KCNN1: variants seen among roughly 807,000 people sequenced by gnomAD.
KCNN1 encodes the protein small conductance calcium-activated potassium channel protein 1.
A neutral mutation model predicts 44.7 loss-of-function variants in KCNN1; 20 were observed. That is an observed-to-expected ratio of 0.45 (90% confidence interval 0.32 to 0.65). KCNN1 has a LOEUF of 0.65. Among genes scored for constraint, KCNN1 ranks in the 30% least tolerant of loss-of-function variants. KCNN1 has a pLI of 0.05. For synonymous variants in KCNN1, 324 were observed against 341.7 expected, an observed-to-expected ratio of 0.95 and a Z score of 0.57; for missense variants, 632 against 785.3, an observed-to-expected ratio of 0.80 and a Z score of 2.33.
chr19:17,974,117 G>T lies in KCNN1; in HGVS notation c.229G>T (p.Ala77Ser). ...DDDEDDEEDE[A>S]GRQRASGKPS... is the part of the protein sequence containing the mutation. ...TGACGAGGATGATGAGGAAGATGAG[G>T]CCGGCAGGCAGAGAGCCTCGGGGAA... Residue 77 changes from alanine to serine, a missense_variant, in exon 2 of 10, where the codon GCC becomes TCC. Physicochemically the swap from Ala to Ser is moderately conservative, Grantham distance 99. Transcript: ENST00000684775. The surrounding 1 kb of genome is among the most constrained non-coding windows in gnomAD (Gnocchi z 7.3). 4 of 1,612,686 alleles carry T rather than the reference G, an allele frequency of 2.5e-6. No individual in the cohort carries two copies. Among genetic ancestry groups the T allele is most frequent in the Non-Finnish European group, 3.4e-6 (4 of 1,179,856 alleles).
At position 17,951,590 on chromosome 19, in the gene KCNN1, G is replaced by A. The variant is rs73024603; in HGVS notation, c.-203+181G>A. 6.8e-3 allele frequency among the ~76,000 whole-genome samples: 1,035 copies of A among 152,244 alleles called. 7 individuals are homozygous for A. Among genetic ancestry groups the A allele is most frequent in the Non-Finnish European group, 0.011 (720 of 68,002 alleles). On this transcript the variant is annotated intron_variant, in intron 1 of 10. Coordinates refer to the KCNN1 transcript ENST00000222249. Reference sequence around the variant, plus strand: ...CTTCACAACTCTGCCACCCAAGCCCGGGCCAGTCAGGCTCAAGAGGTTCCT... The same window carrying A: ...CTTCACAACTCTGCCACCCAAGCCCAGGCCAGTCAGGCTCAAGAGGTTCCT...
intron 2 of KCNN1, among the ~76,000 whole-genome samples, chr19:17,956,318 T>A (rs1161654757): frequency 6.6e-6 from 1 of 152,166 alleles, no homozygotes; most frequent in Non-Finnish European, 1.5e-5. Context: ...GTGGTGGTCA[T>A]TTAGTCAATC....
chr19:17,975,916 G>A (rs2032190576), intron 3 of KCNN1, among the ~76,000 whole-genome samples: 1 of 152,102 alleles, frequency 6.6e-6, no homozygotes, highest in African/African-American at 2.4e-5. Context: ...TATTGCCCAG[G>A]CTGGCCTCAA....
At position 17,998,329 on chromosome 19, in the gene KCNN1, G is replaced by T; in HGVS notation, c.1555G>T (p.Gly519Cys). Residue 519 changes from glycine (G) to cysteine (C), a missense_variant, in exon 10 of 10, where the codon GGC becomes TGC. Coordinates refer to ENST00000684775, the MANE Select transcript of KCNN1 (RefSeq NM_001386974.1). The surrounding 1 kb of genome is among the most constrained non-coding windows in gnomAD (Gnocchi z 5.4). ...PPPPPLPPRPGPGPQDQAARS... is the reference protein window; with the variant it reads ...PPPPPLPPRPCPGPQDQAARS... ...CCCGCCTCCCCTGCCTCCCAGGCCC[G>T]GCCCCGGCCCCCAAGACCAGGCAGC... The T allele has an allele frequency of 1.4e-6, 2 of 1,445,262 alleles. No homozygotes were observed. Among genetic ancestry groups the T allele is most frequent in the East Asian group, 2.6e-5 (1 of 38,310 alleles). The allele number at this position is 1,445,262 out of a possible 1,614,324, so 89.5% of individuals were successfully genotyped here.
In KCNN1 at chr19:17,998,910, C is replaced by T. The variant is rs1427231613; in HGVS notation, c.*504C>T. The stretch of plus-strand genomic sequence containing the variant: ...CTCTCTAGGGACACCTGTACCAGCC[C>T]CACCTGGCGCTGAGATCCCTCAGAC... On this transcript the variant is annotated 3_prime_UTR_variant, in exon 10 of 10. Coordinates refer to ENST00000684775, the MANE Select transcript of KCNN1 (RefSeq NM_001386974.1). The surrounding 1 kb of genome is among the most constrained non-coding windows in gnomAD (Gnocchi z 5.4). 7 of 152,820 alleles carry T rather than the reference C, an allele frequency of 4.6e-5. No individual in the cohort carries two copies. Among genetic ancestry groups the T allele is most frequent in the Admixed American group, 4.6e-4 (7 of 15,336 alleles). 9.5% of individuals were successfully genotyped at this position (152,820 alleles called of 1,614,324 possible).
At chr19:17,951,764 C>G (rs1334773025) in intron 1 of KCNN1, among the ~76,000 whole-genome samples, 1 of 152,194 alleles carries the variant, frequency 6.6e-6, no homozygotes, top group Non-Finnish European at 1.5e-5. Flanking sequence ...GCCTCTGGGT[C>G]CCCCGATCCT....
chr19:17,979,325 C>T (rs955940042), intron 3 of KCNN1, among the ~76,000 whole-genome samples: 14 of 139,682 alleles, frequency 1.0e-4, no homozygotes, highest in South Asian at 2.5e-4. Context: ...CCCAGCTACT[C>T]GGGAGGCTGA....
chr19:17,967,484 G>T (rs1295547766), intron 1 of KCNN1, among the ~76,000 whole-genome samples, 167 bp downstream of exon 1: 1 of 152,130 alleles, frequency 6.6e-6, no homozygotes, highest in Admixed American at 6.5e-5. Context: ...TGGGGGGAAT[G>T]AATGCATGTA....
At chr19:17,960,982 T>C (rs1348223580) in intron 2 of KCNN1, among the ~76,000 whole-genome samples, 1 of 151,904 alleles carries the variant, frequency 6.6e-6, no homozygotes, top group Non-Finnish European at 1.5e-5. Flanking sequence ...GGCCAGGAGT[T>C]GGAGACCAAC....
chr19:17,966,979 C>T (rs1425219900), upstream of KCNN1: 7 of 258,320 alleles, frequency 2.7e-5, no homozygotes, highest in South Asian at 1.5e-4. Context: ...TTGCAGGGGG[C>T]GCCGGGGAAT....
chr19:17,990,431 C>T (rs2145967445), intron 7 of KCNN1, among the ~76,000 whole-genome samples: 1 of 150,116 alleles, frequency 6.7e-6, no homozygotes, highest in South Asian at 2.1e-4. Flanking sequence ...CTGCAGTGAG[C>T]CATGATTGCG....
intron 1 of KCNN1, among the ~76,000 whole-genome samples, chr19:17,967,899 G>C (rs1258257522): frequency 6.6e-6 from 1 of 152,060 alleles, no homozygotes; most frequent in Non-Finnish European, 1.5e-5. Context: ...GCCTCCAGGA[G>C]AGCAGGCTAA....
intron 2 of KCNN1, among the ~76,000 whole-genome samples, chr19:17,958,645 C>T (rs1370831005): frequency 2.0e-5 from 3 of 151,782 alleles, no homozygotes; most frequent in Admixed American, 6.6e-5. Flanking sequence ...TGCCTGCCAC[C>T]GTGCCCGGCT....
At chr19:17,965,273 C>CAAAA (rs35151160), upstream of KCNN1, among the ~76,000 whole-genome samples, 148 of 134,474 alleles carry the variant, frequency 1.1e-3, 1 homozygote, top group African/African-American at 3.6e-3. Context: ...GACTCTGTCT[C>CAAAA]AAAAAAAAAA....
Position 17,993,167 on chromosome 19 carries a change from G to A in KCNN1, c.1307+105G>A. On this transcript the variant is annotated intron_variant, in intron 8 of 9. Coordinates refer to ENST00000684775, the MANE Select transcript of KCNN1 (RefSeq NM_001386974.1). This position sits in a 1 kb window ranked among gnomAD's most constrained non-coding sequence, Gnocchi z 4.5. ...CATGCCAACCCCAGCCTCAGAGGCG[G>A]GCAGGGTTCACATCTGCCCCATGGA... 6 of 1,393,586 alleles carry A rather than the reference G, an allele frequency of 4.3e-6. No individual in the cohort carries two copies. Among genetic ancestry groups the A allele is most frequent in the East Asian group, 2.3e-5 (1 of 42,734 alleles). The allele number at this position is 1,393,586 out of a possible 1,614,324, so 86.3% of individuals were successfully genotyped here. A position where few individuals can be genotyped will look rare whatever the true frequency, so the allele number is the denominator to read the frequency against.
chr19:17,956,054 C>T (rs2031537741), intron 2 of KCNN1, among the ~76,000 whole-genome samples: 1 of 152,208 alleles, frequency 6.6e-6, no homozygotes, highest in African/African-American at 2.4e-5. Context: ...TCTCCTGCTT[C>T]AGCCTCCCAA....
upstream of KCNN1, among the ~76,000 whole-genome samples, chr19:17,965,637 G>A (rs542900607): frequency 2.0e-5 from 3 of 152,106 alleles, no homozygotes; most frequent in Non-Finnish European, 4.4e-5. Flanking sequence ...TCTCAGGTGT[G>A]GCTGAAAACC....
At position 17,998,664 on chromosome 19, in the gene KCNN1, G is replaced by A. The variant is rs965205713; in HGVS notation, c.*258G>A. The A allele has an allele frequency of 1.1e-5, 5 of 435,426 alleles. No individual in the cohort carries two copies. Among genetic ancestry groups the A allele is most frequent in the East Asian group, 7.1e-5 (2 of 28,052 alleles). The allele number at this position is 435,426 out of a possible 1,614,324, so 27.0% of individuals were successfully genotyped here. A position where few individuals can be genotyped will look rare whatever the true frequency, so the allele number is the denominator to read the frequency against. ...GCCCCCGGTGGGCATGGAGCAGCCCGGGGAGGGGTCCGTGCTGGTTCTGAA... is the reference window on the plus strand; with the variant it reads ...GCCCCCGGTGGGCATGGAGCAGCCCAGGGAGGGGTCCGTGCTGGTTCTGAA... On this transcript the variant is annotated 3_prime_UTR_variant, in exon 10 of 10. Transcript: ENST00000684775. This position sits in a 1 kb window ranked among gnomAD's most constrained non-coding sequence, Gnocchi z 5.4.
At chr19:17,994,083 G>T (rs778942120) in intron 9 of KCNN1, among the ~76,000 whole-genome samples, 4 of 152,082 alleles carry the variant, frequency 2.6e-5, no homozygotes, top group Non-Finnish European at 4.4e-5. Flanking sequence ...TGATAGCCTT[G>T]GGAGAAAGCT....
Sources: gnomAD v4.1 joint callset for allele counts (sites outside exome capture counted in the v4.1 genomes callset) on GRCh38, gnomAD v4.1.1 for gene constraint, Gnocchi (gnomAD v3.1) non-coding constraint, MANE v1.5 for transcripts, NCBI Gene and HGNC (gene_info 2026-07-23, HGNC 2026-07-21) for gene names.